Variants in TBC1D14 observed in about 807,000 individuals in gnomAD.
TBC1D14 encodes TBC1 domain family member 14.
TBC1D14 carries 26 observed loss-of-function variants against 79.0 expected under a neutral mutation model. The ratio of observed to expected loss-of-function variants is 0.33; its 90% confidence interval spans 0.24 to 0.46. The LOEUF (loss-of-function observed/expected upper bound fraction) is 0.46, where lower values mean the gene tolerates loss of function less well. Ranked by LOEUF, TBC1D14 falls within the 20% of genes least tolerant of loss-of-function variation. TBC1D14 has a pLI of 1.00. For synonymous variants in TBC1D14, 394 were observed against 349.9 expected (o/e 1.13, Z -1.40); for missense variants, 769 against 887.6 (o/e 0.87, Z 1.70).
rs1379403898 is a variant in TBC1D14 at position 7,030,493 on chromosome 4, T to C, written c.*101T>C. ...CCGGGCAGCCGAGAAGAACAGACGC[T>C]CTTTAAGTTTGATTCCTAACACTGG... On this transcript the variant is annotated 3_prime_UTR_variant, in exon 14 of 14. Transcript: ENST00000409757. The C allele has an allele frequency of 8.1e-7, 1 of 1,228,220 alleles. No homozygotes were observed. The highest frequency in any genetic ancestry group is 1.2e-6 in the Non-Finnish European group (1 of 853,006). The allele number at this position is 1,228,220 out of a possible 1,614,324, so 76.1% of individuals were successfully genotyped here.
chr4:6,998,264 G>T (rs898159275), intron 5 of TBC1D14, among the ~76,000 whole-genome samples: 2 of 151,900 alleles, frequency 1.3e-5, no homozygotes, highest in African/African-American at 4.8e-5. Context: ...GGAGGCTAAG[G>T]CAGGAGAATT....
At chr4:7,010,843 T>C in intron 11 of TBC1D14, 62 bp downstream of exon 11, 2 of 1,553,330 alleles carry the variant, frequency 1.3e-6, no homozygotes, top group South Asian at 2.4e-5. Context: ...AGTTGCTTAC[T>C]CGTCTGTGTT....
At position 6,951,747 on chromosome 4, in the gene TBC1D14, G is replaced by T. The variant is rs10020561; in HGVS notation, c.723-15557G>T. Among the ~76,000 whole-genome samples the T allele has an allele frequency of 5.3e-3, 808 of 152,298 alleles. 7 individuals are homozygous for T. Among genetic ancestry groups the T allele is most frequent in the African/African-American group, 0.018 (762 of 41,552 alleles). ...TGGTGGAGGAGAGGGCTAGTGAAAG[G>T]TCTGTTCTGTGAGTGTATTTCTTCC... On this transcript the variant is annotated intron_variant, in intron 2 of 13. Transcript: ENST00000409757.
chr4:7,029,300 G>T (rs1178854842), intron 13 of TBC1D14, among the ~76,000 whole-genome samples: 1 of 152,226 alleles, frequency 6.6e-6, no homozygotes, highest in East Asian at 1.9e-4. Flanking sequence ...CATGGTTCCT[G>T]GCCCCAGGCA....
chr4:6,938,083 TGTG>T (rs1374261644), intron 2 of TBC1D14, among the ~76,000 whole-genome samples: 1 of 151,986 alleles, frequency 6.6e-6, no homozygotes, highest in Non-Finnish European at 1.5e-5. Flanking sequence ...TCCCGGGCGT[TGTG>T]GTGGTGGGCG....
At chr4:6,953,875 G>A (rs1465136861) in intron 2 of TBC1D14, among the ~76,000 whole-genome samples, 3 of 152,172 alleles carry the variant, frequency 2.0e-5, no homozygotes, top group Non-Finnish European at 4.4e-5. Flanking sequence ...GAAGCGCTGT[G>A]TGCTTGGCGC....
intron 2 of TBC1D14, among the ~76,000 whole-genome samples, chr4:6,951,901 G>A (rs1432757870): frequency 2.6e-5 from 4 of 152,148 alleles, no homozygotes; most frequent in Non-Finnish European, 5.9e-5. Flanking sequence ...ACTGTTGAGT[G>A]TTGAGGAAGG....
chr4:6,914,898 G>C (rs558748601), intron 1 of TBC1D14, among the ~76,000 whole-genome samples: 1 of 152,132 alleles, frequency 6.6e-6, no homozygotes, highest in East Asian at 1.9e-4. Flanking sequence ...AATTAGCCGG[G>C]CGTGGTGGTG....
chr4:7,000,561 G>T (rs1408645425), intron 6 of TBC1D14, among the ~76,000 whole-genome samples: 4 of 152,258 alleles, frequency 2.6e-5, no homozygotes, highest in Non-Finnish European at 4.4e-5. Context: ...TGCCCAGGCT[G>T]TTGGCAGTGT....
chr4:6,981,300 C>G (rs1717356247), intron 3 of TBC1D14, among the ~76,000 whole-genome samples: 1 of 152,148 alleles, frequency 6.6e-6, no homozygotes, highest in Admixed American at 6.5e-5. Context: ...GCTGGGATTA[C>G]AGGTGTGAGG....
chr4:6,944,542 G>A (rs1310068305), intron 2 of TBC1D14, among the ~76,000 whole-genome samples: 2 of 152,154 alleles, frequency 1.3e-5, no homozygotes, highest in Admixed American at 1.3e-4. Context: ...GCCGGGAGCC[G>A]TCTGTCCTTG....
intron 13 of TBC1D14, among the ~76,000 whole-genome samples, chr4:7,026,639 G>A (rs796293763): frequency 3.3e-5 from 5 of 152,280 alleles, no homozygotes; most frequent in African/African-American, 1.2e-4. Flanking sequence ...GCTCACACCT[G>A]TAATCCCAGC....
intron 1 of TBC1D14, among the ~76,000 whole-genome samples, chr4:6,917,074 G>A (rs750009525): frequency 1.5e-4 from 23 of 152,154 alleles, no homozygotes; most frequent in Non-Finnish European, 2.1e-4. Context: ...CTCAGCTGCT[G>A]GTGTGCACTC....
intron 3 of TBC1D14, among the ~76,000 whole-genome samples, chr4:6,982,211 A>G (rs1314532790): frequency 6.6e-6 from 1 of 152,238 alleles, no homozygotes; most frequent in East Asian, 1.9e-4. Context: ...TCTTCAAGAA[A>G]TGGAAACAAC....
chr4:6,988,262 C>T (rs1028525509), intron 3 of TBC1D14, among the ~76,000 whole-genome samples: 3 of 152,240 alleles, frequency 2.0e-5, no homozygotes, highest in Admixed American at 6.5e-5. Context: ...ACAAGCAACC[C>T]TCTTAGAGTG....
intron 3 of TBC1D14, 95 bp downstream of exon 3, chr4:6,967,519 G>T: frequency 1.3e-6 from 2 of 1,493,046 alleles, no homozygotes; most frequent in Admixed American, 2.1e-5. Flanking sequence ...GTCTGAAACT[G>T]GAAATCGCTT....
At chr4:6,944,869 T>C (rs1713279694) in intron 2 of TBC1D14, among the ~76,000 whole-genome samples, 1 of 152,172 alleles carries the variant, frequency 6.6e-6, no homozygotes, top group Non-Finnish European at 1.5e-5. Flanking sequence ...CTTCCGGGCA[T>C]GCGTGCTCCT....
chr4:6,919,403 C>A (rs1723658287), intron 1 of TBC1D14, among the ~76,000 whole-genome samples: 1 of 152,106 alleles, frequency 6.6e-6, no homozygotes, highest in African/African-American at 2.4e-5. Context: ...GTCTCGGCCT[C>A]CCAAAGTGTT....
At chr4:6,924,897 G>A (rs183622641) in intron 2 of TBC1D14, among the ~76,000 whole-genome samples, 25 of 152,308 alleles carry the variant, frequency 1.6e-4, no homozygotes, top group Non-Finnish European at 2.2e-4. Context: ...TGTGGCCTGG[G>A]GGTGGTGGGA....
Sources: allele counts gnomAD v4.1 joint callset (sites outside exome capture counted in the v4.1 genomes callset), GRCh38; gene constraint gnomAD v4.1.1; transcripts MANE v1.5; gene names NCBI Gene and HGNC (gene_info 2026-07-23, HGNC 2026-07-21).